Variants in GRM8 observed in about 807,000 individuals in gnomAD.
GRM8 encodes the protein glutamate metabotropic receptor 8.
Under a neutral mutation model 87.2 loss-of-function variants are expected in GRM8, and 47 were observed. The observed-to-expected ratio is 0.54, with a 90% confidence interval of 0.43 to 0.69. The LOEUF is 0.69. Among genes scored for constraint, GRM8 ranks in the 30% least tolerant of loss-of-function variants. The probability of loss-of-function intolerance (pLI) is 0.00; values close to 1 mark genes in which losing one functional copy is unlikely to be tolerated. For synonymous variants in GRM8, 396 were observed against 404.5 expected (o/e 0.98, Z 0.25); for missense variants, 1,019 against 1,139.2 (o/e 0.89, Z 1.52).
chr7:127,242,027 G>T (rs1798333406), intron 2 of GRM8, among the ~76,000 whole-genome samples: 1 of 152,010 alleles, frequency 6.6e-6, no homozygotes, highest in Non-Finnish European at 1.5e-5. Flanking sequence ...ATGGGTAATA[G>T]ATCACCAAAC....
intron 8 of GRM8, among the ~76,000 whole-genome samples, chr7:126,547,368 T>C (rs1350853126): frequency 1.3e-5 from 2 of 152,034 alleles, no homozygotes; most frequent in Non-Finnish European, 2.9e-5. Context: ...TCCAGAGATT[T>C]TTTTAAAAAT....
chr7:126,566,144 A>G (rs1203039008), intron 8 of GRM8, among the ~76,000 whole-genome samples: 1 of 152,244 alleles, frequency 6.6e-6, no homozygotes, highest in Non-Finnish European at 1.5e-5. Flanking sequence ...GATGAATTTG[A>G]CATCCAAAGC....
At chr7:127,043,073 T>C (rs1387120594) in intron 3 of GRM8, among the ~76,000 whole-genome samples, 1 of 152,180 alleles carries the variant, frequency 6.6e-6, no homozygotes, top group Non-Finnish European at 1.5e-5. Flanking sequence ...AGATACCATC[T>C]CACACCAGTT....
intron 8 of GRM8, among the ~76,000 whole-genome samples, chr7:126,600,678 G>A (rs1797653745): frequency 6.6e-6 from 1 of 152,106 alleles, no homozygotes; most frequent in African/African-American, 2.4e-5. Context: ...GGCTTGGCAA[G>A]GATGTGGTTA....
chr7:126,546,930 T>G (rs1007429669), intron 8 of GRM8, among the ~76,000 whole-genome samples: 2 of 152,208 alleles, frequency 1.3e-5, no homozygotes, highest in Admixed American at 1.3e-4. Flanking sequence ...GCACAGTTGG[T>G]ACTGGGATAC....
intron 2 of GRM8, among the ~76,000 whole-genome samples, chr7:127,212,639 G>T (rs1371520505): frequency 6.6e-6 from 1 of 151,796 alleles, no homozygotes; most frequent in Non-Finnish European, 1.5e-5. Flanking sequence ...GGATGGTCTC[G>T]ATCTCCTGAC....
intron 3 of GRM8, among the ~76,000 whole-genome samples, chr7:126,928,132 A>C (rs1805338365): frequency 6.7e-6 from 1 of 149,552 alleles, no homozygotes; most frequent in Non-Finnish European, 1.5e-5. Flanking sequence ...AAAACCAAAC[A>C]CTGCATGTTC....
chr7:126,957,688 C>CA (rs1301490094), intron 3 of GRM8, among the ~76,000 whole-genome samples: 1 of 152,226 alleles, frequency 6.6e-6, no homozygotes, highest in Non-Finnish European at 1.5e-5. Flanking sequence ...CTTTGGGCAC[C>CA]AACAAGCATA....
chr7:126,665,586 A>C (rs138714943), intron 7 of GRM8, among the ~76,000 whole-genome samples: 1,627 of 152,138 alleles, frequency 0.011, 26 homozygotes, highest in African/African-American at 0.037. Flanking sequence ...AACAACAGAC[A>C]CTGGGGACTA....
chr7:126,812,742 C>A (rs886101301), intron 6 of GRM8, among the ~76,000 whole-genome samples: 1 of 152,044 alleles, frequency 6.6e-6, no homozygotes, highest in African/African-American at 2.4e-5. Flanking sequence ...GGTGGCAGAA[C>A]GTATTATGCT....
At chr7:126,617,775 C>T (rs1293041902) in intron 7 of GRM8, among the ~76,000 whole-genome samples, 1 of 152,174 alleles carries the variant, frequency 6.6e-6, no homozygotes, top group Non-Finnish European at 1.5e-5. Context: ...CTCCCATTTA[C>T]AATTGCTTCA....
At chr7:126,579,658 T>G (rs1275361636) in intron 8 of GRM8, among the ~76,000 whole-genome samples, 7 of 152,184 alleles carry the variant, frequency 4.6e-5, no homozygotes, top group Non-Finnish European at 7.3e-5. Context: ...AAAGGAATTT[T>G]TACTTGCCTT....
At chr7:126,924,439 A>T (rs1239152558) in intron 3 of GRM8, among the ~76,000 whole-genome samples, 13 of 152,080 alleles carry the variant, frequency 8.5e-5, no homozygotes, top group African/African-American at 3.1e-4. Flanking sequence ...ATCCCTCTGG[A>T]TCTCATGGAT....
At chr7:126,701,922 C>CA (rs1390916736) in intron 7 of GRM8, 3 of 421,688 alleles carry the variant, frequency 7.1e-6, no homozygotes, top group African/African-American at 2.1e-5. Flanking sequence ...TGCCTTCTGT[C>CA]TTAGTATAAT....
intron 2 of GRM8, among the ~76,000 whole-genome samples, chr7:127,133,727 A>C (rs1827812743): frequency 6.6e-6 from 1 of 151,318 alleles, no homozygotes; most frequent in Non-Finnish European, 1.5e-5. Context: ...AAAAAAAAAA[A>C]AATTAATAAA....
chr7:127,064,384 CCT>C (rs1820905158), intron 3 of GRM8, among the ~76,000 whole-genome samples: 1 of 151,914 alleles, frequency 6.6e-6, no homozygotes, highest in Non-Finnish European at 1.5e-5. Context: ...CCCTTCTTTG[CCT>C]TTTTTTATTC....
chr7:126,933,630 T>C (rs1206658494), intron 3 of GRM8, among the ~76,000 whole-genome samples: 1 of 152,204 alleles, frequency 6.6e-6, no homozygotes, highest in Non-Finnish European at 1.5e-5. Flanking sequence ...GGCTCTGTGC[T>C]GTGGAGAGAA....
chr7:126,673,066 G>A (rs982323533), intron 7 of GRM8, among the ~76,000 whole-genome samples: 14 of 152,170 alleles, frequency 9.2e-5, no homozygotes, highest in Non-Finnish European at 1.5e-4. Flanking sequence ...TGCCCACTGC[G>A]GTGGAGCCAT....
chr7:127,015,504 T>C (rs1399257847), intron 3 of GRM8, among the ~76,000 whole-genome samples: 1 of 152,098 alleles, frequency 6.6e-6, no homozygotes, highest in Non-Finnish European at 1.5e-5. Context: ...ATGGCAAGTA[T>C]AGTTTTAAAG....
Sources: allele counts gnomAD v4.1 joint callset (sites outside exome capture counted in the v4.1 genomes callset), GRCh38; gene constraint gnomAD v4.1.1; transcripts MANE v1.5; gene names NCBI Gene and HGNC (gene_info 2026-07-23, HGNC 2026-07-21).